The following RNF2 variants were observed in gnomAD, a reference collection of about 807,000 sequenced individuals.
RNF2 encodes the protein E3 ubiquitin-protein ligase RING2.
In RNF2, 6 loss-of-function variants were observed where a neutral mutation model predicts 37.2. The observed-to-expected ratio is 0.16, with a 90% confidence interval of 0.09 to 0.32. The LOEUF is 0.32. Among genes scored for constraint, RNF2 ranks in the 10% least tolerant of loss-of-function variants. RNF2 has a pLI of 1.00. For synonymous variants in RNF2, 133 were observed against 132.7 expected, an observed-to-expected ratio of 1.00 and a Z score of -0.02; for missense variants, 251 against 404.0, an observed-to-expected ratio of 0.62 and a Z score of 3.25.
chr1:185,057,815 A>C (rs1296480228), intron 1 of RNF2, among the ~76,000 whole-genome samples: 3 of 152,186 alleles, frequency 2.0e-5, no homozygotes, highest in South Asian at 2.1e-4. Flanking sequence ...GAAAAAAAAA[A>C]AAAACAGTAA....
intron 4 of RNF2, among the ~76,000 whole-genome samples, chr1:185,093,917 T>C (rs572339948): frequency 6.6e-6 from 1 of 152,316 alleles, no homozygotes; most frequent in Admixed American, 6.5e-5. Context: ...TTTCATAGTT[T>C]TATTTACCAT....
At chr1:185,085,474 T>C (rs765469757) in intron 1 of RNF2, among the ~76,000 whole-genome samples, 1 of 151,988 alleles carries the variant, frequency 6.6e-6, no homozygotes, top group Non-Finnish European at 1.5e-5. Context: ...GTATATCATT[T>C]AGTGCTCTCT....
chr1:185,085,216 T>G (rs890753170), intron 1 of RNF2, among the ~76,000 whole-genome samples: 1 of 148,608 alleles, frequency 6.7e-6, no homozygotes, highest in Non-Finnish European at 1.5e-5. Context: ...TGGCGTGATC[T>G]TAGCTCACTG....
intron 1 of RNF2, among the ~76,000 whole-genome samples, chr1:185,053,792 G>A (rs936829142): frequency 2.6e-5 from 4 of 152,102 alleles, no homozygotes; most frequent in African/African-American, 9.7e-5. Context: ...AGTAGTGCAC[G>A]TGACATTAAG....
At chr1:185,064,099 A>G (rs1650728235) in intron 1 of RNF2, among the ~76,000 whole-genome samples, 1 of 152,224 alleles carries the variant, frequency 6.6e-6, no homozygotes, top group Non-Finnish European at 1.5e-5. Flanking sequence ...CCATAGTTAG[A>G]GACTTAATTC....
At chr1:185,091,400 C>CT (rs1238508206) in intron 2 of RNF2, among the ~76,000 whole-genome samples, 179 bp from the exon 3 acceptor site, 3 of 152,096 alleles carry the variant, frequency 2.0e-5, no homozygotes, top group Non-Finnish European at 2.9e-5. Flanking sequence ...GGTGGTGAGG[C>CT]TGAGGGGAGC....
chr1:185,064,446 AC>A (rs1316967747), intron 1 of RNF2, among the ~76,000 whole-genome samples: 2 of 152,168 alleles, frequency 1.3e-5, no homozygotes, highest in Non-Finnish European at 2.9e-5. Context: ...GGTTCGACTT[AC>A]GATTTTTCAA....
At chr1:185,059,342 T>G (rs1381966625) in intron 1 of RNF2, among the ~76,000 whole-genome samples, 2 of 152,182 alleles carry the variant, frequency 1.3e-5, no homozygotes, top group African/African-American at 4.8e-5. Context: ...TCTTGGCTAT[T>G]TTTGCCTTAA....
At chr1:185,064,715 A>G (rs1446442061) in intron 1 of RNF2, among the ~76,000 whole-genome samples, 1 of 152,204 alleles carries the variant, frequency 6.6e-6, no homozygotes, top group Non-Finnish European at 1.5e-5. Flanking sequence ...ATCCATGAAC[A>G]TGGGATGTCT....
chr1:185,066,183 T>G (rs1650793689), intron 1 of RNF2, among the ~76,000 whole-genome samples: 1 of 152,234 alleles, frequency 6.6e-6, no homozygotes, highest in African/African-American at 2.4e-5. Flanking sequence ...TGGCCAAAGG[T>G]GATCTCTTCG....
chr1:185,077,137 T>C (rs1651190858), intron 1 of RNF2, among the ~76,000 whole-genome samples: 1 of 152,102 alleles, frequency 6.6e-6, no homozygotes, highest in Non-Finnish European at 1.5e-5. Context: ...ACTGTAGCCT[T>C]TTTGGCATTT....
rs563614989 is a variant in RNF2 at position 185,056,201 on chromosome 1, T to C, written c.-3+10552T>C. ...ATTACTTGGAAAGATAATATTACAG[T>C]TGTGTATAGTGTAGATAACATTATT... On this transcript the variant is annotated intron_variant, in intron 1 of 6. Coordinates refer to ENST00000367510, the MANE Select transcript of RNF2 (RefSeq NM_007212.4). 3.3e-5 allele frequency among the ~76,000 whole-genome samples: 5 copies of C among 152,302 alleles called. No homozygotes were observed. The East Asian group carries it at 9.6e-4, about 29-fold the overall frequency.
chr1:185,081,586 T>TG (rs1651407250), intron 1 of RNF2, among the ~76,000 whole-genome samples: 1 of 6,128 alleles, frequency 1.6e-4, no homozygotes, highest in Non-Finnish European at 3.1e-4. Flanking sequence ...TAGAGACGGG[T>TG]GGGGTGGGGG....
At chr1:185,068,594 C>A (rs556276928) in intron 1 of RNF2, among the ~76,000 whole-genome samples, 3 of 152,218 alleles carry the variant, frequency 2.0e-5, no homozygotes, top group Non-Finnish European at 4.4e-5. Flanking sequence ...AACAGATTCT[C>A]CCCTAGGGCC....
At chr1:185,070,919 G>C (rs1650954121) in intron 1 of RNF2, among the ~76,000 whole-genome samples, 1 of 152,162 alleles carries the variant, frequency 6.6e-6, no homozygotes, top group African/African-American at 2.4e-5. Flanking sequence ...TTACAGGCGT[G>C]AGCCACTGCA....
At chr1:185,085,145 C>CTTT (rs71555455) in intron 1 of RNF2, among the ~76,000 whole-genome samples, 1,921 of 103,128 alleles carry the variant, frequency 0.019, 136 homozygotes, top group African/African-American at 0.057. Flanking sequence ...CTTTCTTTTT[C>CTTT]TTTTTTTTTT....
intron 1 of RNF2, among the ~76,000 whole-genome samples, chr1:185,086,959 T>TA (rs1557971954): frequency 1.3e-5 from 2 of 152,232 alleles, no homozygotes; most frequent in South Asian, 2.1e-4. Context: ...GCACTTTTGA[T>TA]ATGCTAAGTA....
At chr1:185,081,146 T>G (rs180907594) in intron 1 of RNF2, among the ~76,000 whole-genome samples, 4 of 152,318 alleles carry the variant, frequency 2.6e-5, no homozygotes, top group African/African-American at 7.2e-5. Context: ...CACATCTTTA[T>G]TAATCAAAAT....
intron 1 of RNF2, among the ~76,000 whole-genome samples, chr1:185,085,138 TC>T: frequency 7.6e-6 from 1 of 132,150 alleles, no homozygotes; most frequent in Non-Finnish European, 1.6e-5. Context: ...GACCCTTCTT[TC>T]TTTTTCTTTT....
Sources: gnomAD v4.1 joint callset for allele counts (sites outside exome capture counted in the v4.1 genomes callset) on GRCh38, gnomAD v4.1.1 for gene constraint, MANE v1.5 for transcripts, NCBI Gene and HGNC (gene_info 2026-07-23, HGNC 2026-07-21) for gene names.